The following DPP8 variants were observed in gnomAD, a reference collection of about 807,000 sequenced individuals.
DPP8 encodes DPP VIII.
Under a neutral mutation model 107.5 loss-of-function variants are expected in DPP8, and 31 were observed. The ratio of observed to expected loss-of-function variants is 0.29; its 90% CI spans 0.22 to 0.39. DPP8 has a LOEUF of 0.39. DPP8 is among the 10% of genes least tolerant of loss of function. The pLI is 1.00. For missense variants in DPP8, 842 were observed against 1,076.1 expected (o/e 0.78, Z 3.04); for synonymous variants, 381 against 356.6 (o/e 1.07, Z -0.77).
At chr15:65,509,720 T>C (rs2070515520) in intron 2 of DPP8, among the ~76,000 whole-genome samples, 1 of 152,162 alleles carries the variant, frequency 6.6e-6, no homozygotes, top group African/African-American at 2.4e-5. Context: ...TATGATTTCT[T>C]ATAAAAGAAA....
chr15:65,515,042 T>A (rs2071272272), intron 1 of DPP8, among the ~76,000 whole-genome samples: 1 of 152,176 alleles, frequency 6.6e-6, no homozygotes, highest in Non-Finnish European at 1.5e-5. Flanking sequence ...TTGCCCAAGC[T>A]GCAGTGCAGT....
chr15:65,465,538 T>C (rs1231253122), intron 14 of DPP8, among the ~76,000 whole-genome samples: 2 of 150,846 alleles, frequency 1.3e-5, no homozygotes, highest in Non-Finnish European at 2.9e-5. Flanking sequence ...GAGATTAAAG[T>C]GAATTAGATG....
intron 3 of DPP8, among the ~76,000 whole-genome samples, chr15:65,503,051 CA>C (rs1452396850): frequency 3.3e-5 from 5 of 152,226 alleles, no homozygotes; most frequent in African/African-American, 1.2e-4. Flanking sequence ...TAGTAATATT[CA>C]TACAGAATTG....
chr15:65,475,226 C>T (rs1315898464), intron 11 of DPP8: 2 of 503,396 alleles, frequency 4.0e-6, no homozygotes, highest in East Asian at 7.4e-5. Context: ...CTCCCCTAAA[C>T]TCAGTAGTTA....
At chr15:65,465,895 C>T (rs2065308373) in intron 14 of DPP8, among the ~76,000 whole-genome samples, 1 of 152,084 alleles carries the variant, frequency 6.6e-6, no homozygotes. Context: ...ATATTTTAAA[C>T]AAATAATTCA....
In DPP8 at chr15:65,512,406, CAAGCAGCTTTTT is replaced by C; in HGVS notation, c.136_147del (p.Lys46_Leu49del). On this transcript the variant is annotated inframe_deletion, in exon 2 of 20. Transcript: ENST00000300141. ...TAGCCATGATATTTTCTGGTATCGG[CAAGCAGCTTTTT>C]AAGCTGACTCCAGGAATACCGCTCA... The C allele has an allele frequency of 6.2e-7, 1 of 1,614,116 alleles. No homozygotes were observed. The highest frequency in any genetic ancestry group is 8.5e-7 in the Non-Finnish European group (1 of 1,180,026).
In DPP8 at chr15:65,487,608, G is replaced by A. The variant is rs188124720; in HGVS notation, c.955+82C>T. Reference sequence around the variant, plus strand: ...AGGCTGGAAATGACCAATGTTGTTGGCTACACCTTTGGATGACTACAGAAA... The same window carrying A: ...AGGCTGGAAATGACCAATGTTGTTGACTACACCTTTGGATGACTACAGAAA... On this transcript the variant is annotated intron_variant, in intron 7 of 19. Coordinates refer to ENST00000300141, the MANE Select transcript of DPP8 (RefSeq NM_130434.5). 289 of 1,362,452 alleles carry A rather than the reference G, an allele frequency of 2.1e-4. 1 individual carries two copies. The African/African-American group carries it at 3.7e-3, about 17-fold the overall frequency. 84.4% of individuals were successfully genotyped at this position (1,362,452 alleles called of 1,614,324 possible). A position where few individuals can be genotyped will look rare whatever the true frequency, so the allele number is the denominator to read the frequency against.
At chr15:65,491,214 T>C (rs774796609) in intron 5 of DPP8, among the ~76,000 whole-genome samples, 5 of 145,586 alleles carry the variant, frequency 3.4e-5, no homozygotes, top group Admixed American at 6.8e-5. Flanking sequence ...GTTTACAATA[T>C]ACTTGAATAA....
intron 11 of DPP8, chr15:65,475,663 A>C: frequency 2.9e-6 from 2 of 685,920 alleles, no homozygotes; most frequent in Non-Finnish European, 5.0e-6. Context: ...AAAACTCACA[A>C]AAGAAAATGT....
chr15:65,484,108 C>T (rs2067183488), intron 8 of DPP8, among the ~76,000 whole-genome samples: 1 of 152,058 alleles, frequency 6.6e-6, no homozygotes, highest in African/African-American at 2.4e-5. Context: ...GTGGGCAGAT[C>T]ATGAGGTCAG....
In DPP8 at chr15:65,442,896, A is replaced by C. The variant is rs959659226; in HGVS notation, c.*3988T>G. The C allele has an allele frequency of 6.6e-6, 1 of 152,112 alleles. No homozygotes were observed. The highest frequency in any genetic ancestry group is 1.5e-5 in the Non-Finnish European group (1 of 68,006). 9.4% of individuals were successfully genotyped at this position (152,112 alleles called of 1,614,324 possible). A position where few individuals can be genotyped will look rare whatever the true frequency, so the allele number is the denominator to read the frequency against. ...ATATCTGCTGGGAATAGACACACTC[A>C]CCTTATATAGTTTAGAAATGGCCAT... On this transcript the variant is annotated 3_prime_UTR_variant, in exon 20 of 20. Transcript: ENST00000300141.
At chr15:65,507,796 A>C (rs1001969723) in intron 2 of DPP8, among the ~76,000 whole-genome samples, 1 of 152,264 alleles carries the variant, frequency 6.6e-6, no homozygotes, top group East Asian at 1.9e-4. Flanking sequence ...CCATTTTCAG[A>C]ATTTTTTGAA....
Position 65,442,916 on chromosome 15 carries a change from G to C in DPP8, c.*3968C>G, listed in dbSNP as rs991373065. The C allele has an allele frequency of 6.6e-6, 1 of 152,118 alleles. No homozygotes were observed. The highest frequency in any genetic ancestry group is 1.5e-5 in the Non-Finnish European group (1 of 68,020). 9.4% of individuals were successfully genotyped at this position (152,118 alleles called of 1,614,324 possible). A position where few individuals can be genotyped will look rare whatever the true frequency, so the allele number is the denominator to read the frequency against. ...CACTCACCTTATATAGTTTAGAAAT[G>C]GCCATGTCTCTTTTCTTACATCAAA... On this transcript the variant is annotated 3_prime_UTR_variant, in exon 20 of 20. Transcript: ENST00000300141.
chr15:65,469,159 GA>G (rs2065628291), intron 12 of DPP8, among the ~76,000 whole-genome samples: 1 of 151,816 alleles, frequency 6.6e-6, no homozygotes, highest in Non-Finnish European at 1.5e-5. Flanking sequence ...ATTTTGAGTA[GA>G]GACGGGGTTT....
intron 5 of DPP8, among the ~76,000 whole-genome samples, chr15:65,491,368 C>A (rs2068015866): frequency 6.6e-6 from 1 of 152,052 alleles, no homozygotes; most frequent in African/African-American, 2.4e-5. Flanking sequence ...TTATAATTTA[C>A]AAATTCTTAA....
chr15:65,445,327 A>G lies in DPP8; in HGVS notation c.*1557T>C, dbSNP rs1217297220. On this transcript the variant is annotated 3_prime_UTR_variant, in exon 20 of 20. Coordinates refer to ENST00000300141, the MANE Select transcript of DPP8 (RefSeq NM_130434.5). Reference sequence around the variant, plus strand: ...GGAGTGTTGTTTAAAAGTATTGGTAATAACTTTCTAAACACTGAAGTGTGT... The same window carrying G: ...GGAGTGTTGTTTAAAAGTATTGGTAGTAACTTTCTAAACACTGAAGTGTGT... 1 of 152,250 alleles carries G rather than the reference A, an allele frequency of 6.6e-6. No homozygotes were observed. Among genetic ancestry groups the G allele is most frequent in the East Asian group, 1.9e-4 (1 of 5,202 alleles). The allele number at this position is 152,250 out of a possible 1,614,324, so 9.4% of individuals were successfully genotyped here. A position where few individuals can be genotyped will look rare whatever the true frequency, so the allele number is the denominator to read the frequency against.
At chr15:65,457,598 C>T (rs1446608648) in intron 15 of DPP8, among the ~76,000 whole-genome samples, 4 of 152,046 alleles carry the variant, frequency 2.6e-5, no homozygotes, top group Non-Finnish European at 5.9e-5. Context: ...ATTATTTTCC[C>T]TTTATGGTCC....
chr15:65,502,374 A>C (rs1310213277), intron 3 of DPP8, among the ~76,000 whole-genome samples: 1 of 151,672 alleles, frequency 6.6e-6, no homozygotes, highest in East Asian at 1.9e-4. Flanking sequence ...ATTTGTTATA[A>C]TGTCTCTCAA....
intron 6 of DPP8, among the ~76,000 whole-genome samples, chr15:65,489,095 G>C (rs545241043): frequency 5.5e-4 from 84 of 152,198 alleles, no homozygotes; most frequent in African/African-American, 2.0e-3. Context: ...CGAGTAGCTG[G>C]GACTACAGGT....
Sources: gnomAD v4.1 joint callset for allele counts (sites outside exome capture counted in the v4.1 genomes callset) on GRCh38, gnomAD v4.1.1 for gene constraint, MANE v1.5 for transcripts, NCBI Gene and HGNC (gene_info 2026-07-23, HGNC 2026-07-21) for gene names.